Variants in ITGA4 observed in about 807,000 individuals in gnomAD.
ITGA4 encodes integrin subunit alpha 4.
Under a neutral mutation model 133.6 loss-of-function variants are expected in ITGA4, and 63 were observed. The observed-to-expected ratio is 0.47, with a 90% CI of 0.38 to 0.58. The LOEUF is 0.58. Among genes scored for constraint, ITGA4 ranks in the 20% least tolerant of loss-of-function variants. ITGA4 has a pLI of 0.00. For synonymous variants in ITGA4, 483 were observed against 438.0 expected (o/e 1.10, Z -1.28); for missense variants, 1,076 against 1,252.7 (o/e 0.86, Z 2.13).
intron 2 of ITGA4, among the ~76,000 whole-genome samples, chr2:181,464,384 A>G (rs1685362714): frequency 6.6e-6 from 1 of 152,150 alleles, no homozygotes; most frequent in Non-Finnish European, 1.5e-5. Flanking sequence ...TTCCTTCATT[A>G]ATACATTTTA....
At chr2:181,510,017 C>A in intron 16 of ITGA4, 1 of 408,864 alleles carries the variant, frequency 2.4e-6, no homozygotes, top group Non-Finnish European at 4.4e-6. Context: ...TTAATCACAA[C>A]AGTAGATTCT....
intron 4 of ITGA4, among the ~76,000 whole-genome samples, chr2:181,477,706 C>T (rs189325087): frequency 2.6e-5 from 4 of 152,056 alleles, no homozygotes; most frequent in Admixed American, 1.3e-4. Flanking sequence ...CAAGTGTTGG[C>T]GAAGGTGTGA....
intron 14 of ITGA4, chr2:181,498,141 A>T (rs1016171330): frequency 4.0e-5 from 6 of 149,710 alleles, no homozygotes; most frequent in African/African-American, 1.5e-4. Context: ...TTCATGTATA[A>T]AAAAAAGCCT....
intron 15 of ITGA4, among the ~76,000 whole-genome samples, chr2:181,505,542 T>G (rs1686376143): frequency 6.6e-6 from 1 of 152,102 alleles, no homozygotes; most frequent in Admixed American, 6.6e-5. Context: ...CATCCAAATT[T>G]TAAAATGTAA....
At chr2:181,509,892 A>G (rs751279292) in intron 16 of ITGA4, 85 bp downstream of exon 16, 25 of 974,060 alleles carry the variant, frequency 2.6e-5, no homozygotes, top group East Asian at 5.1e-5. Context: ...GAAGTGAACT[A>G]TATGTCGGAA....
chr2:181,525,284 G>T lies in ITGA4; in HGVS notation c.2332G>T (p.Val778Phe). ...TTTAAAATATGAGGTTAAGCTGACT[G>T]TTCATGGGTAAGTAGACATAAAGGC... ...IPLKYEVKLT[V>F]HGFVNPTSFV... The change falls in exon 21 of 28, where the codon GTT (valine) becomes TTT (phenylalanine). Residue 778 changes from valine (V) to phenylalanine (F), a missense_variant. Physicochemically the swap from Val to Phe is conservative, Grantham distance 50. Coordinates refer to ENST00000397033, the MANE Select transcript of ITGA4 (RefSeq NM_000885.6). 5 of 1,557,534 alleles carry T rather than the reference G, an allele frequency of 3.2e-6. No individual in the cohort carries two copies. Among genetic ancestry groups the T allele is most frequent in the Non-Finnish European group, 4.4e-6 (5 of 1,129,972 alleles).
Position 181,530,560 on chromosome 2 carries a change from AGAGT to A in ITGA4, c.2577_2580del (p.Arg859SerfsTer4). 6.2e-7 allele frequency: 1 copy of A among 1,613,260 alleles called. No individual in the cohort carries two copies. Among genetic ancestry groups the A allele is most frequent in the Non-Finnish European group, 8.5e-7 (1 of 1,179,344 alleles). ...AGAATGCCACTTTGAAAATTATCAAAGAGTGTGTGCATTAGAGCAGCAAAAGAGT... is the reference window on the plus strand; with the variant it reads ...AGAATGCCACTTTGAAAATTATCAAAGTGTGCATTAGAGCAGCAAAAGAGT... On this transcript the variant is annotated frameshift_variant, in exon 24 of 28. Transcript: ENST00000397033. LOFTEE classifies it high-confidence loss of function.
intron 22 of ITGA4, 59 bp downstream of exon 22, chr2:181,527,446 T>C (rs1686856550): frequency 8.7e-7 from 1 of 1,143,664 alleles, no homozygotes; most frequent in Non-Finnish European, 1.3e-6. Context: ...CACTGATGCA[T>C]TGCTCCAAGG....
At chr2:181,473,187 G>A (rs1049084995) in intron 2 of ITGA4, among the ~76,000 whole-genome samples, 5 of 152,224 alleles carry the variant, frequency 3.3e-5, no homozygotes, top group Admixed American at 2.6e-4. Context: ...TGGCCTGGTA[G>A]GAACTGGGCT....
chr2:181,486,095 G>A (rs893174594), intron 10 of ITGA4, 103 bp downstream of exon 10: 48 of 1,430,584 alleles, frequency 3.4e-5, no homozygotes, highest in Middle Eastern at 3.7e-4. Flanking sequence ...TATAGAAGAT[G>A]GAGCCAGAAT....
At chr2:181,502,093 A>G (rs1273388118) in intron 15 of ITGA4, among the ~76,000 whole-genome samples, 1 of 152,048 alleles carries the variant, frequency 6.6e-6, no homozygotes, top group East Asian at 1.9e-4. Flanking sequence ...CCTGGAAGTG[A>G]AGTGAAAAAA....
At chr2:181,507,402 T>C (rs1686415068) in intron 15 of ITGA4, among the ~76,000 whole-genome samples, 1 of 152,140 alleles carries the variant, frequency 6.6e-6, no homozygotes, top group Non-Finnish European at 1.5e-5. Context: ...TAAAATCTTA[T>C]TAGCTTACCC....
At chr2:181,501,572 T>C (rs1425444456) in intron 15 of ITGA4, among the ~76,000 whole-genome samples, 2 of 152,126 alleles carry the variant, frequency 1.3e-5, no homozygotes, top group Non-Finnish European at 2.9e-5. Flanking sequence ...GGTGAGAGGA[T>C]GGTTCCAACA....
At chr2:181,478,396 T>A (rs1316985226) in intron 4 of ITGA4, among the ~76,000 whole-genome samples, 1 of 152,044 alleles carries the variant, frequency 6.6e-6, no homozygotes, top group Non-Finnish European at 1.5e-5. Flanking sequence ...AGTAACTGTT[T>A]CACTATGTAT....
intron 15 of ITGA4, among the ~76,000 whole-genome samples, chr2:181,507,808 T>G (rs1400230301): frequency 2.6e-5 from 4 of 152,150 alleles, no homozygotes; most frequent in African/African-American, 4.8e-5. Context: ...CATCCATTAT[T>G]TGCCAACTAT....
chr2:181,482,876 G>T (rs1480827681), intron 9 of ITGA4, among the ~76,000 whole-genome samples: 2 of 152,082 alleles, frequency 1.3e-5, no homozygotes, highest in Non-Finnish European at 2.9e-5. Flanking sequence ...TTGTTAGGGA[G>T]TTTCTCTGTT....
At position 181,536,971 on chromosome 2, in the gene ITGA4, A is replaced by ATTGAT. The variant is rs1195159365; in HGVS notation, c.*1445_*1449dup. On this transcript the variant is annotated 3_prime_UTR_variant, in exon 28 of 28. Transcript: ENST00000397033. ...TCCCTGCCACTAGCCAGCCATCCTA[A>ATTGAT]TTGATGAAAGTTATCTGTTCACAGG... 2 of 452,514 alleles carry ATTGAT rather than the reference A, an allele frequency of 4.4e-6. No individual in the cohort carries two copies. Among genetic ancestry groups the ATTGAT allele is most frequent in the African/African-American group, 4.0e-5 (2 of 49,902 alleles). The allele number at this position is 452,514 out of a possible 1,614,324, so 28.0% of individuals were successfully genotyped here.
At chr2:181,518,222 CCT>C (rs1470474345) in intron 17 of ITGA4, among the ~76,000 whole-genome samples, 1 of 152,072 alleles carries the variant, frequency 6.6e-6, no homozygotes, top group Non-Finnish European at 1.5e-5. Flanking sequence ...CACTCAGACT[CCT>C]CCACCCTGCA....
chr2:181,459,671 A>G (rs1030164245), intron 2 of ITGA4, among the ~76,000 whole-genome samples: 1 of 152,202 alleles, frequency 6.6e-6, no homozygotes, highest in Non-Finnish European at 1.5e-5. Flanking sequence ...AGACCCATAC[A>G]TTTTGGAATG....
Sources: gnomAD v4.1 joint callset for allele counts (sites outside exome capture counted in the v4.1 genomes callset) on GRCh38, gnomAD v4.1.1 for gene constraint, MANE v1.5 for transcripts, NCBI Gene and HGNC (gene_info 2026-07-23, HGNC 2026-07-21) for gene names.